CERS3: variants seen among roughly 807,000 people sequenced by gnomAD.
CERS3 encodes the protein ceramide synthase 3, also known as LAG1 homolog, ceramide synthase 3.
CERS3 carries 33 observed loss-of-function variants against 50.3 expected under a neutral mutation model. The ratio of observed to expected loss-of-function variants is 0.66; its 90% CI spans 0.50 to 0.88. The LOEUF is 0.88. CERS3 is among the 40% of genes least tolerant of loss of function. The pLI is 0.00. For missense variants in CERS3, 470 were observed against 460.3 expected, an observed-to-expected ratio of 1.02 and a Z score of -0.19; for synonymous variants, 176 against 155.2, an observed-to-expected ratio of 1.13 and a Z score of -0.99.
intron 11 of CERS3, among the ~76,000 whole-genome samples, chr15:100,453,494 C>T (rs2034248415): frequency 1.3e-5 from 2 of 152,156 alleles, no homozygotes; most frequent in Admixed American, 6.5e-5. Context: ...ATAGAGGGAA[C>T]ATAACTGAAC....
intron 2 of CERS3, among the ~76,000 whole-genome samples, chr15:100,519,349 G>A (rs1319164737): frequency 6.6e-6 from 1 of 151,994 alleles, no homozygotes; most frequent in East Asian, 1.9e-4. Context: ...CTGTGTGAGG[G>A]GATTCAGAGT....
intron 5 of CERS3, among the ~76,000 whole-genome samples, chr15:100,483,859 C>G: frequency 7.0e-6 from 1 of 143,240 alleles, no homozygotes; most frequent in African/African-American, 2.6e-5. Context: ...CGGCTCACTG[C>G]AAGCTCCGCC....
intron 9 of CERS3, among the ~76,000 whole-genome samples, chr15:100,471,798 G>A (rs966666108): frequency 1.3e-5 from 2 of 152,176 alleles, no homozygotes; most frequent in Non-Finnish European, 2.9e-5. Context: ...AATTCTGTAC[G>A]CAGAGGATAT....
chr15:100,422,828 C>T (rs1295955836), intron 11 of CERS3, among the ~76,000 whole-genome samples: 19 of 141,594 alleles, frequency 1.3e-4, no homozygotes, highest in Non-Finnish European at 2.4e-4. Context: ...AGTAAACTAT[C>T]GCAAGAACAA....
Position 100,400,453 on chromosome 15 carries a change from G to T in CERS3, c.*2260C>A, listed in dbSNP as rs1014031798. On this transcript the variant is annotated 3_prime_UTR_variant, in exon 12 of 12. Coordinates refer to ENST00000679737, the MANE Select transcript of CERS3 (RefSeq NM_001378789.1). ...CTGTTACAATATTGATAGCACTGTG[G>T]ACTGCATTTTTATAAGGTCATCTGA... The T allele has an allele frequency of 2.0e-5, 3 of 152,174 alleles. No individual in the cohort carries two copies. Among genetic ancestry groups the T allele is most frequent in the Non-Finnish European group, 2.9e-5 (2 of 68,044 alleles). 9.4% of individuals were successfully genotyped at this position (152,174 alleles called of 1,614,324 possible).
intron 11 of CERS3, among the ~76,000 whole-genome samples, chr15:100,432,850 C>T (rs1475845799): frequency 6.6e-6 from 1 of 152,184 alleles, no homozygotes; most frequent in Non-Finnish European, 1.5e-5. Flanking sequence ...ATCTGAGGGG[C>T]TACCATCTGG....
chr15:100,493,744 T>C (rs1196898045), intron 3 of CERS3, among the ~76,000 whole-genome samples: 1 of 152,204 alleles, frequency 6.6e-6, no homozygotes, highest in East Asian at 1.9e-4. Flanking sequence ...TGACTCTTTC[T>C]TATGCCTGCT....
chr15:100,451,402 G>A (rs928378013), intron 11 of CERS3, among the ~76,000 whole-genome samples: 2 of 151,868 alleles, frequency 1.3e-5, no homozygotes, highest in African/African-American at 4.8e-5. Flanking sequence ...TATTTCACCT[G>A]TGAAAACACA....
At position 100,402,602 on chromosome 15, in the gene CERS3, G is replaced by A. The variant is rs139983620; in HGVS notation, c.*111C>T. ...ACACATCTTAGGTGGGAGGGAAGGCGGTGGTGAGAAAGAGGGAAGGGCAGA... is the reference window on the plus strand; with the variant it reads ...ACACATCTTAGGTGGGAGGGAAGGCAGTGGTGAGAAAGAGGGAAGGGCAGA... On this transcript the variant is annotated 3_prime_UTR_variant, in exon 12 of 12. Transcript: ENST00000679737. The A allele has an allele frequency of 2.1e-4, 209 of 1,013,102 alleles. No individual in the cohort carries two copies. In the East Asian group the frequency reaches 3.0e-3, roughly 14 times the overall value. 62.8% of individuals were successfully genotyped at this position (1,013,102 alleles called of 1,614,324 possible). A position where few individuals can be genotyped will look rare whatever the true frequency, so the allele number is the denominator to read the frequency against.
At chr15:100,426,629 G>C (rs2032827919) in intron 11 of CERS3, among the ~76,000 whole-genome samples, 1 of 152,206 alleles carries the variant, frequency 6.6e-6, no homozygotes, top group Admixed American at 6.5e-5. Flanking sequence ...TGTTGAAAGA[G>C]TGAATGAATT....
chr15:100,409,468 C>T (rs2031308051), intron 11 of CERS3, among the ~76,000 whole-genome samples: 1 of 152,026 alleles, frequency 6.6e-6, no homozygotes, highest in Non-Finnish European at 1.5e-5. Context: ...CAGCCCACCA[C>T]CCATATTCTG....
intron 2 of CERS3, among the ~76,000 whole-genome samples, chr15:100,520,924 G>A (rs898526996): frequency 6.6e-5 from 10 of 152,148 alleles, no homozygotes; most frequent in East Asian, 3.9e-4. Flanking sequence ...TTCACAGACC[G>A]TTACAAAAAG....
At position 100,401,379 on chromosome 15, in the gene CERS3, T is replaced by C. The variant is rs2030516377; in HGVS notation, c.*1334A>G. Reference sequence around the variant, plus strand: ...GTGCCCAGGAGATGTGTCCCTCTGGTGACAAGGCCGCAAGGGAGGCAGGGA... The same window carrying C: ...GTGCCCAGGAGATGTGTCCCTCTGGCGACAAGGCCGCAAGGGAGGCAGGGA... On this transcript the variant is annotated 3_prime_UTR_variant, in exon 12 of 12. Coordinates refer to ENST00000679737, the MANE Select transcript of CERS3 (RefSeq NM_001378789.1). 1 of 152,280 alleles carries C rather than the reference T, an allele frequency of 6.6e-6. No individual in the cohort carries two copies. The highest frequency in any genetic ancestry group is 1.5e-5 in the Non-Finnish European group (1 of 68,130). 9.4% of individuals were successfully genotyped at this position (152,280 alleles called of 1,614,324 possible). A position where few individuals can be genotyped will look rare whatever the true frequency, so the allele number is the denominator to read the frequency against.
At chr15:100,420,495 C>A (rs1231779853) in intron 11 of CERS3, among the ~76,000 whole-genome samples, 3 of 152,042 alleles carry the variant, frequency 2.0e-5, no homozygotes, top group Admixed American at 6.6e-5. Context: ...CTGAATTCTA[C>A]CAGAGGTACA....
chr15:100,477,441 A>G (rs747815033), intron 7 of CERS3, among the ~76,000 whole-genome samples: 2 of 149,694 alleles, frequency 1.3e-5, no homozygotes, highest in Non-Finnish European at 2.9e-5. Context: ...CCTCCTATTA[A>G]GAACAACTTA....
intron 10 of CERS3, among the ~76,000 whole-genome samples, chr15:100,458,585 C>CAAAAA (rs5814967): frequency 7.8e-6 from 1 of 127,730 alleles, no homozygotes; most frequent in Non-Finnish European, 1.7e-5. Flanking sequence ...GACTCCATCT[C>CAAAAA]AAAAAAAAAA....
intron 11 of CERS3, among the ~76,000 whole-genome samples, chr15:100,451,111 A>G (rs982967107): frequency 2.6e-5 from 4 of 152,106 alleles, no homozygotes; most frequent in Non-Finnish European, 5.9e-5. Flanking sequence ...ACAGAAAAGT[A>G]TAAAACATAC....
At chr15:100,467,761 C>CTT (rs1364369494) in intron 10 of CERS3, among the ~76,000 whole-genome samples, 1 of 120,560 alleles carries the variant, frequency 8.3e-6, no homozygotes, top group African/African-American at 2.9e-5. Context: ...CTCTCTCTCT[C>CTT]TCTCTCTCTA....
At chr15:100,466,493 C>G (rs2034720427) in intron 10 of CERS3, among the ~76,000 whole-genome samples, 2 of 152,018 alleles carry the variant, frequency 1.3e-5, no homozygotes, top group African/African-American at 4.8e-5. Context: ...TGACCTGGTT[C>G]CAATAAAAAA....
Sources: allele counts gnomAD v4.1 joint callset (sites outside exome capture counted in the v4.1 genomes callset), GRCh38; gene constraint gnomAD v4.1.1; transcripts MANE v1.5; gene names NCBI Gene and HGNC (gene_info 2026-07-23, HGNC 2026-07-21).